EPHX1: variants seen among roughly 807,000 people sequenced by gnomAD.
EPHX1 encodes epoxide hydratase.
A neutral mutation model predicts 43.2 loss-of-function variants in EPHX1; 40 were observed. That is an observed-to-expected ratio of 0.93 (90% CI 0.72 to 1.21). The LOEUF (loss-of-function observed/expected upper bound fraction) is 1.21. EPHX1 is among the 50% of genes most tolerant of loss of function. The pLI is 0.00. For missense variants in EPHX1, 550 were observed against 570.4 expected (o/e 0.96, Z 0.36); for synonymous variants, 221 against 226.7 (o/e 0.98, Z 0.22).
chr1:225,829,119 TCTC>T (rs1430219015), intron 2 of EPHX1, among the ~76,000 whole-genome samples: 3 of 151,852 alleles, frequency 2.0e-5, no homozygotes, highest in Non-Finnish European at 4.4e-5. Context: ...CTTTCTCTCT[TCTC>T]CTTTCCCTAC....
rs35967527 is a variant in EPHX1, at chr1:225,839,884, C to T, written c.778C>T (p.Leu260=). 1.8e-4 allele frequency: 296 copies of T among 1,614,228 alleles called. 1 individual carries two copies. The African/African-American group carries it at 3.6e-3, about 20-fold the overall frequency. ...TTTGGTTTTAAGCAACTTCTCTACCCTGACCCTCCTCCTGGGACAGCGTTT... is the reference window on the plus strand; with the variant it reads ...TTTGGTTTTAAGCAACTTCTCTACCTTGACCCTCCTCCTGGGACAGCGTTT... The part of the protein sequence containing the change: ...MALVLSNFST[L]TLLLGQRFGR... The change falls in exon 6 of 9, where the codon CTG becomes TTG. Residue 260 remains leucine, a synonymous_variant. Coordinates refer to ENST00000272167, the MANE Select transcript of EPHX1 (RefSeq NM_001136018.4).
intron 1 of EPHX1, among the ~76,000 whole-genome samples, chr1:225,825,123 G>A (rs1394082289): frequency 6.6e-6 from 1 of 152,114 alleles, no homozygotes; most frequent in African/African-American, 2.4e-5. Context: ...GTGCTGGTGG[G>A]GGCCATCATA....
At chr1:225,811,666 G>A (rs1666491473) in intron 1 of EPHX1, among the ~76,000 whole-genome samples, 1 of 152,218 alleles carries the variant, frequency 6.6e-6, no homozygotes, top group African/African-American at 2.4e-5. Context: ...TGTAACGGTT[G>A]CCTCCTTCAG....
intron 5 of EPHX1, 22 bp downstream of exon 5, chr1:225,839,368 TG>T (rs770752771): frequency 9.0e-6 from 3 of 332,588 alleles, no homozygotes; most frequent in South Asian, 3.8e-5. Context: ...GTTGGGGTGG[TG>T]TGTGTGTGTG....
intron 1 of EPHX1, among the ~76,000 whole-genome samples, chr1:225,821,158 TC>T (rs1228235814): frequency 6.6e-6 from 1 of 152,206 alleles, no homozygotes; most frequent in Non-Finnish European, 1.5e-5. Flanking sequence ...CTTAGTGACA[TC>T]ACTTAAGAGA....
intron 7 of EPHX1, among the ~76,000 whole-genome samples, chr1:225,844,151 G>T (rs1413916823): frequency 1.3e-5 from 2 of 152,176 alleles, no homozygotes; most frequent in Non-Finnish European, 2.9e-5. Context: ...CATGCTGCCT[G>T]GTATGTGGTC....
At chr1:225,826,447 C>CAAAAAAAA (rs374232833) in intron 1 of EPHX1, among the ~76,000 whole-genome samples, 3,870 of 83,726 alleles carry the variant, frequency 0.046, 294 homozygotes, top group Non-Finnish European at 0.064. Flanking sequence ...GACTCTGTCT[C>CAAAAAAAA]AAAAAAAAAA....
At chr1:225,839,675 C>T (rs1214328571) in intron 5 of EPHX1, among the ~76,000 whole-genome samples, 154 bp from the exon 6 acceptor site, 1 of 152,208 alleles carries the variant, frequency 6.6e-6, no homozygotes, top group Non-Finnish European at 1.5e-5. Flanking sequence ...CCTCCCTTCT[C>T]CAACTCCCAT....
intron 3 of EPHX1, among the ~76,000 whole-genome samples, chr1:225,834,145 A>G (rs866452858): frequency 4.2e-5 from 6 of 142,490 alleles, no homozygotes; most frequent in South Asian, 2.3e-4. Flanking sequence ...GGTGGCTCAC[A>G]CCTGTAATCC....
Position 225,810,187 on chromosome 1 carries a change from GC to G in EPHX1, c.-6+20del, listed in dbSNP as rs534540766. ...CCGAGACCGTAAGCGCCCGGGGCCG[GC>G]CGGGCCCGCACTCCCCGGACGCAGA... is the stretch of plus-strand genomic sequence containing the variant. On this transcript the variant is annotated intron_variant, in intron 1 of 8. Transcript: ENST00000272167. The G allele has an allele frequency of 2.5e-3, 380 of 151,532 alleles. No individual in the cohort carries two copies. Among genetic ancestry groups the G allele is most frequent in the African/African-American group, 8.9e-3 (368 of 41,466 alleles). The allele number at this position is 151,532 out of a possible 1,614,324, so 9.4% of individuals were successfully genotyped here.
Position 225,839,905 on chromosome 1 carries a change from C to A in EPHX1, c.799C>A (p.Arg267Ser). ...TACCCTGACCCTCCTCCTGGGACAG[C>A]GTTTCGGGAGGTTTCTTGGCCTCAC... Reference protein sequence around the residue: ...FSTLTLLLGQRFGRFLGLTER... With the variant: ...FSTLTLLLGQSFGRFLGLTER... Residue 267 changes from arginine (R) to serine (S), a missense_variant, in exon 6 of 9, where the codon CGT becomes AGT. Transcript: ENST00000272167. 1 of 1,614,220 alleles carries A rather than the reference C, an allele frequency of 6.2e-7. No homozygotes were observed. The highest frequency in any genetic ancestry group is 1.1e-5 in the South Asian group (1 of 91,084).
In EPHX1 at chr1:225,840,033, C is replaced by T. The variant is rs781540402; in HGVS notation, c.927C>T (p.Thr309=). The change falls in exon 6 of 9, where the codon ACC becomes ACT. Residue 309 remains threonine (T), a synonymous_variant. Coordinates refer to ENST00000272167, the MANE Select transcript of EPHX1 (RefSeq NM_001136018.4). ...YMHIQCTKPD[T]VGSALNDSPV... Reference sequence around the variant, plus strand: ...ACATCCAGTGCACCAAGCCTGACACCGTAGGTGAGTGTGCTCAGGGGTCCT... The same window carrying T: ...ACATCCAGTGCACCAAGCCTGACACTGTAGGTGAGTGTGCTCAGGGGTCCT... 1.2e-5 allele frequency: 20 copies of T among 1,613,784 alleles called. No homozygotes were observed. The highest frequency in any genetic ancestry group is 6.7e-5 in the East Asian group (3 of 44,884).
chr1:225,832,469 A>G (rs1667665087), intron 3 of EPHX1, among the ~76,000 whole-genome samples: 2 of 152,202 alleles, frequency 1.3e-5, no homozygotes, highest in Non-Finnish European at 2.9e-5. Flanking sequence ...CAGGAGGCGG[A>G]GGTTGCAGTG....
At chr1:225,830,109 G>A (rs1439763070) in intron 2 of EPHX1, among the ~76,000 whole-genome samples, 1 of 152,160 alleles carries the variant, frequency 6.6e-6, no homozygotes, top group African/African-American at 2.4e-5. Context: ...AAGGATAAAT[G>A]TCACAAAAAG....
chr1:225,844,713 GGGATAAGTATAGCCTTGCCTGCA>G lies in EPHX1; in HGVS notation c.1166+93_1166+115del, dbSNP rs1157855605. 4.4e-6 allele frequency: 7 copies of G among 1,576,514 alleles called. No individual in the cohort carries two copies. In the African/African-American group the frequency reaches 9.4e-5, roughly 21 times the overall value. Reference sequence around the variant, plus strand: ...GGCTCCACGAAGGGCACTTGGTGGTGGGATAAGTATAGCCTTGCCTGCAGGTGCCCCAGGGGCCCTTGGATGGG... The same window carrying G: ...GGCTCCACGAAGGGCACTTGGTGGTGGGTGCCCCAGGGGCCCTTGGATGGG... On this transcript the variant is annotated intron_variant, in intron 8 of 8. Coordinates refer to ENST00000272167, the MANE Select transcript of EPHX1 (RefSeq NM_001136018.4).
intron 1 of EPHX1, among the ~76,000 whole-genome samples, chr1:225,823,022 A>G (rs1667047023): frequency 6.6e-6 from 1 of 152,164 alleles, no homozygotes; most frequent in Admixed American, 6.5e-5. Flanking sequence ...ATTTAGGGGA[A>G]GAGGAAGGAA....
intron 1 of EPHX1, among the ~76,000 whole-genome samples, chr1:225,820,938 C>G (rs1666954280): frequency 6.6e-6 from 1 of 152,040 alleles, no homozygotes; most frequent in Non-Finnish European, 1.5e-5. Context: ...CAGTACCCAG[C>G]CAGTAGTTAC....
chr1:225,839,922 TG>T lies in EPHX1; in HGVS notation c.818del (p.Gly273AlafsTer21). 2 of 1,614,250 alleles carry T rather than the reference TG, an allele frequency of 1.2e-6. No homozygotes were observed. Among genetic ancestry groups the T allele is most frequent in the Non-Finnish European group, 1.7e-6 (2 of 1,180,046 alleles). On this transcript the variant is annotated frameshift_variant, in exon 6 of 9. Transcript: ENST00000272167. LOFTEE classifies it high-confidence loss of function. The stretch of plus-strand genomic sequence containing the variant: ...TGGGACAGCGTTTCGGGAGGTTTCT[TG>T]GCCTCACTGAGAGGGATGTGGAGCT... ...LLGQRFGRFL[G>X]LTERDVELLY... is the part of the protein sequence containing the mutation.
intron 2 of EPHX1, among the ~76,000 whole-genome samples, chr1:225,831,232 T>C (rs1667571932): frequency 1.3e-5 from 2 of 152,144 alleles, no homozygotes; most frequent in Non-Finnish European, 2.9e-5. Flanking sequence ...AAATTAAAGA[T>C]GAGTATCGTG....
Sources: gnomAD v4.1 joint callset for allele counts (sites outside exome capture counted in the v4.1 genomes callset) on GRCh38, gnomAD v4.1.1 for gene constraint, MANE v1.5 for transcripts, NCBI Gene and HGNC (gene_info 2026-07-23, HGNC 2026-07-21) for gene names.